CDIN1: variants seen among roughly 807,000 people sequenced by gnomAD.
The protein encoded by CDIN1 is CDAN1 interacting nuclease 1.
CDIN1 carries 33 observed loss-of-function variants against 45.3 expected under a neutral mutation model. That is an observed-to-expected ratio of 0.73 (90% CI 0.55 to 0.97). CDIN1 has a LOEUF of 0.97. Among genes scored for constraint, CDIN1 ranks in the 50% least tolerant of loss-of-function variants. The pLI, the probability that CDIN1 is intolerant of heterozygous loss-of-function variation, is 0.00. For synonymous variants in CDIN1, 118 were observed against 124.4 expected (o/e 0.95, Z 0.34); for missense variants, 303 against 339.4 (o/e 0.89, Z 0.84).
chr15:36,788,267 C>T (rs144787179), intron 10 of CDIN1, among the ~76,000 whole-genome samples: 1,977 of 151,604 alleles, frequency 0.013, 45 homozygotes, highest in African/African-American at 0.046. Flanking sequence ...CAGGCATGCG[C>T]CACCACACCT....
rs62002320 is a variant in CDIN1 at position 36,653,975 on chromosome 15, A to G, written c.213-123A>G. 0.13 allele frequency: 89,975 copies of G among 667,384 alleles called. 6,366 individuals carry two copies. The highest frequency in any genetic ancestry group is 0.17 in the Middle Eastern group (660 of 3,908). 41.3% of individuals were successfully genotyped at this position (667,384 alleles called of 1,614,324 possible). A position where few individuals can be genotyped will look rare whatever the true frequency, so the allele number is the denominator to read the frequency against. On this transcript the variant is annotated intron_variant, in intron 3 of 10. Coordinates refer to ENST00000566621, the MANE Select transcript of CDIN1 (RefSeq NM_001321759.2). ...CAGTGCTTTCCTATGAAAGTAGCTTACTTTAACTAGAGTTGAGCGTGGCAT... is the reference window on the plus strand; with the variant it reads ...CAGTGCTTTCCTATGAAAGTAGCTTGCTTTAACTAGAGTTGAGCGTGGCAT...
intron 5 of CDIN1, 64 bp from the exon 6 acceptor site, chr15:36,691,621 C>A: frequency 9.8e-7 from 1 of 1,020,072 alleles, no homozygotes; most frequent in Non-Finnish European, 1.5e-6. Context: ...ATATATGTCA[C>A]TCCTCATGTT....
At chr15:36,791,464 A>G (rs996413815) in intron 10 of CDIN1, among the ~76,000 whole-genome samples, 1 of 152,176 alleles carries the variant, frequency 6.6e-6, no homozygotes, top group Non-Finnish European at 1.5e-5. Context: ...TCTTTTTACC[A>G]TTTTGTTTCT....
At chr15:36,796,320 A>G (rs1433351446) in intron 10 of CDIN1, among the ~76,000 whole-genome samples, 1 of 152,194 alleles carries the variant, frequency 6.6e-6, no homozygotes, top group Non-Finnish European at 1.5e-5. Flanking sequence ...CACTTTATAG[A>G]TAGAGAAATC....
chr15:36,666,492 A>T (rs983051465), intron 5 of CDIN1, among the ~76,000 whole-genome samples: 2 of 152,130 alleles, frequency 1.3e-5, no homozygotes, highest in Non-Finnish European at 2.9e-5. Context: ...AGACTGCAAG[A>T]TTGTCAGAAC....
At chr15:36,770,295 AAGAG>A (rs1349651597) in intron 10 of CDIN1, among the ~76,000 whole-genome samples, 1 of 151,812 alleles carries the variant, frequency 6.6e-6, no homozygotes, top group Admixed American at 6.6e-5. Context: ...GAGGGAGCGA[AAGAG>A]GGAGGGAGGG....
At chr15:36,640,358 T>C (rs554794764) in intron 1 of CDIN1, among the ~76,000 whole-genome samples, 67 of 152,336 alleles carry the variant, frequency 4.4e-4, no homozygotes, top group African/African-American at 1.5e-3. Flanking sequence ...CATTGTATTC[T>C]TCACAGGTTT....
chr15:36,579,804 C>T lies in CDIN1; in HGVS notation c.-57C>T, dbSNP rs2036952622. ...CCCTCATCCCTCGGCACCAAGGCTACTTGAGCCCCAGGGTGTTTTTTCCTT... is the reference window on the plus strand; with the variant it reads ...CCCTCATCCCTCGGCACCAAGGCTATTTGAGCCCCAGGGTGTTTTTTCCTT... On this transcript the variant is annotated 5_prime_UTR_variant, in exon 1 of 11. Transcript: ENST00000566621. 1 of 1,440,708 alleles carries T rather than the reference C, an allele frequency of 6.9e-7. No individual in the cohort carries two copies. The highest frequency in any genetic ancestry group is 9.5e-7 in the Non-Finnish European group (1 of 1,047,412). 89.2% of individuals were successfully genotyped at this position (1,440,708 alleles called of 1,614,324 possible). A position where few individuals can be genotyped will look rare whatever the true frequency, so the allele number is the denominator to read the frequency against.
intron 10 of CDIN1, among the ~76,000 whole-genome samples, chr15:36,720,818 G>C (rs1284685189): frequency 6.6e-6 from 1 of 152,160 alleles, no homozygotes; most frequent in Non-Finnish European, 1.5e-5. Flanking sequence ...GGGTCAAATG[G>C]TATTTCCAGT....
At chr15:36,629,277 A>T (rs531353345) in intron 1 of CDIN1, among the ~76,000 whole-genome samples, 1 of 152,324 alleles carries the variant, frequency 6.6e-6, no homozygotes, top group South Asian at 2.1e-4. Context: ...TTTTTAAGAT[A>T]AAGTCTTGAG....
chr15:36,661,113 G>C (rs988873315), intron 5 of CDIN1, among the ~76,000 whole-genome samples: 17 of 152,172 alleles, frequency 1.1e-4, no homozygotes, highest in African/African-American at 3.9e-4. Flanking sequence ...GTGTGAAGTG[G>C]ATGGCAGTGC....
At position 36,644,163 on chromosome 15, in the gene CDIN1, T is replaced by C. The variant is rs2040218276; in HGVS notation, c.102-115T>C. The C allele has an allele frequency of 4.1e-6, 4 of 973,394 alleles. No individual in the cohort carries two copies. In the South Asian group the frequency reaches 6.0e-5, roughly 15 times the overall value. 60.3% of individuals were successfully genotyped at this position (973,394 alleles called of 1,614,324 possible). A position where few individuals can be genotyped will look rare whatever the true frequency, so the allele number is the denominator to read the frequency against. On this transcript the variant is annotated intron_variant, in intron 1 of 10. Coordinates refer to ENST00000566621, the MANE Select transcript of CDIN1 (RefSeq NM_001321759.2). ...ATCTGGAACAACTTTTCCACACTTG[T>C]TTTCATGTTCTGTTAGATTACAGGG... is the stretch of plus-strand genomic sequence containing the variant.
At chr15:36,800,907 G>GTATATATATATATATA (rs1282877205) in intron 10 of CDIN1, among the ~76,000 whole-genome samples, 111 of 31,584 alleles carry the variant, frequency 3.5e-3, no homozygotes, top group Admixed American at 4.6e-3. Context: ...GTGTGTGTGT[G>GTATATATATATATATA]TGTATATATA....
At chr15:36,755,236 G>A (rs574014958) in intron 10 of CDIN1, among the ~76,000 whole-genome samples, 17 of 152,268 alleles carry the variant, frequency 1.1e-4, no homozygotes, top group African/African-American at 3.9e-4. Flanking sequence ...CTGTCAAAAG[G>A]CTCTGAATTT....
At chr15:36,778,413 T>C (rs936028879) in intron 10 of CDIN1, among the ~76,000 whole-genome samples, 1 of 152,196 alleles carries the variant, frequency 6.6e-6, no homozygotes, top group Non-Finnish European at 1.5e-5. Context: ...CCTACAAACT[T>C]TTTCTTCTGT....
At chr15:36,740,152 G>A (rs112051680) in intron 10 of CDIN1, among the ~76,000 whole-genome samples, 2 of 152,246 alleles carry the variant, frequency 1.3e-5, no homozygotes, top group African/African-American at 4.8e-5. Context: ...AAGGAAACAT[G>A]TTTTCATTGT....
At chr15:36,748,218 C>T (rs2044515603) in intron 10 of CDIN1, among the ~76,000 whole-genome samples, 1 of 152,206 alleles carries the variant, frequency 6.6e-6, no homozygotes, top group South Asian at 2.1e-4. Context: ...ACATAATACA[C>T]ATTTGACAAC....
intron 5 of CDIN1, among the ~76,000 whole-genome samples, chr15:36,671,638 A>C (rs2041455930): frequency 6.6e-6 from 1 of 152,050 alleles, no homozygotes; most frequent in South Asian, 2.1e-4. Context: ...CAAAATCGTT[A>C]CTCAGCAAAC....
rs567219520 is a variant in CDIN1, at chr15:36,725,790, G to A, written c.716+15829G>A. Among the ~76,000 whole-genome samples the A allele has an allele frequency of 5.9e-4, 89 of 151,812 alleles. 1 individual carries two copies. In the South Asian group the frequency reaches 0.017, roughly 29 times the overall value. ...TAGTATATCATGGTGGCATGGAGAG[G>A]GGAAGAAAAATGTGTACTATTAATG... On this transcript the variant is annotated intron_variant, in intron 10 of 10. Transcript: ENST00000566621.
Sources: allele counts gnomAD v4.1 joint callset (sites outside exome capture counted in the v4.1 genomes callset), GRCh38; gene constraint gnomAD v4.1.1; transcripts MANE v1.5; gene names NCBI Gene and HGNC (gene_info 2026-07-23, HGNC 2026-07-21).